Variants in MYO9A observed in about 807,000 individuals in gnomAD.
The protein encoded by MYO9A is unconventional myosin-IXa.
A neutral mutation model predicts 293.3 loss-of-function variants in MYO9A; 103 were observed. The observed-to-expected ratio is 0.35, with a 90% CI of 0.30 to 0.41. The LOEUF (loss-of-function observed/expected upper bound fraction) is 0.41. Ranked by LOEUF, MYO9A falls within the 10% of genes least tolerant of loss-of-function variation. MYO9A has a pLI of 1.00. For missense variants in MYO9A, 2,685 were observed against 3,033.0 expected (o/e 0.89, Z 2.69); for synonymous variants, 1,001 against 1,035.7 (o/e 0.97, Z 0.64).
intron 1 of MYO9A, among the ~76,000 whole-genome samples, chr15:72,109,940 C>T (rs1053188232): frequency 6.7e-6 from 1 of 150,050 alleles, no homozygotes. Context: ...ATCTAAAAAT[C>T]GTTTATAAAC....
At chr15:72,101,437 G>A (rs866013358) in intron 1 of MYO9A, among the ~76,000 whole-genome samples, 48 of 135,074 alleles carry the variant, frequency 3.6e-4, no homozygotes, top group African/African-American at 1.2e-3. Context: ...CCCTCTGCCA[G>A]GCCAGCCGCC....
rs778310319 is a variant in MYO9A, at chr15:71,935,382, T to C, written c.2481A>G (p.Ser827=). The change falls in exon 17 of 42, where the codon TCA becomes TCG. Residue 827 remains serine (S), a synonymous_variant. Transcript: ENST00000356056. ...LLDKDGIFAN[S]TSSKLLERAH... ...CTCTCTCCAGGAGTTTGCTGCTAGT[T>C]GAATTAGCAAATATTCCATCTTTAT... The C allele has an allele frequency of 1.2e-6, 2 of 1,613,674 alleles. No homozygotes were observed. Among genetic ancestry groups the C allele is most frequent in the Non-Finnish European group, 1.7e-6 (2 of 1,179,690 alleles).
chr15:71,996,294 T>A (rs2148552599), intron 9 of MYO9A, among the ~76,000 whole-genome samples: 1 of 152,284 alleles, frequency 6.6e-6, no homozygotes. Context: ...AATTTTTTAG[T>A]TAAAAGACCT....
At chr15:71,970,971 A>G (rs1005734308) in intron 12 of MYO9A, among the ~76,000 whole-genome samples, 9 of 151,866 alleles carry the variant, frequency 5.9e-5, no homozygotes, top group African/African-American at 1.9e-4. Flanking sequence ...ATCCTGGCTA[A>G]CACAGTGAAA....
intron 31 of MYO9A, among the ~76,000 whole-genome samples, chr15:71,876,913 C>T (rs1014406060): frequency 1.3e-5 from 2 of 152,078 alleles, no homozygotes; most frequent in Non-Finnish European, 2.9e-5. Context: ...TAAAAACAAA[C>T]GTAGTAGAAG....
Position 72,003,620 on chromosome 15 carries a change from C to T in MYO9A, c.1381-3680G>A, listed in dbSNP as rs190561124. Among the ~76,000 whole-genome samples, 516 of 149,906 alleles carry T rather than the reference C, an allele frequency of 3.4e-3. 4 individuals carry two copies. The highest frequency in any genetic ancestry group is 5.3e-3 in the Non-Finnish European group (361 of 67,746). Reference sequence around the variant, plus strand: ...TCGGGAAGCTGAGGCAGGAGAATGGCGTGAACCCAGGAAGCGGAGCTTGCA... The same window carrying T: ...TCGGGAAGCTGAGGCAGGAGAATGGTGTGAACCCAGGAAGCGGAGCTTGCA... On this transcript the variant is annotated intron_variant, in intron 8 of 41. Coordinates refer to ENST00000356056, the MANE Select transcript of MYO9A (RefSeq NM_006901.4).
intron 21 of MYO9A, 45 bp from the exon 22 acceptor site, chr15:71,903,108 T>C (rs775371665): frequency 2.8e-5 from 42 of 1,490,760 alleles, no homozygotes; most frequent in Admixed American, 3.8e-5. Flanking sequence ...AAACAGTGTA[T>C]GTAAACAAGA....
At position 71,958,058 on chromosome 15, in the gene MYO9A, C is replaced by G. The variant is rs551473426; in HGVS notation, c.2182+1843G>C. On this transcript the variant is annotated intron_variant, in intron 14 of 41. Coordinates refer to ENST00000356056, the MANE Select transcript of MYO9A (RefSeq NM_006901.4). ...CTGAAGTTTTTAATTAAGATATCATCAAAGGAAATAAAAACATACTGTAAT... is the reference window on the plus strand; with the variant it reads ...CTGAAGTTTTTAATTAAGATATCATGAAAGGAAATAAAAACATACTGTAAT... 3.3e-5 allele frequency among the ~76,000 whole-genome samples: 5 copies of G among 152,228 alleles called. No homozygotes were observed. The East Asian group carries it at 9.6e-4, about 29-fold the overall frequency.
At chr15:71,983,935 C>T (rs2076344842) in intron 11 of MYO9A, among the ~76,000 whole-genome samples, 1 of 152,174 alleles carries the variant, frequency 6.6e-6, no homozygotes, top group African/African-American at 2.4e-5. Context: ...AAACAATATA[C>T]CTTGGTTTTA....
chr15:71,912,407 C>T (rs1441088874), intron 19 of MYO9A, among the ~76,000 whole-genome samples: 3 of 152,216 alleles, frequency 2.0e-5, no homozygotes, highest in East Asian at 1.9e-4. Flanking sequence ...AGGCGCCCAT[C>T]GCCATGCCTG....
intron 27 of MYO9A, among the ~76,000 whole-genome samples, chr15:71,884,656 G>A (rs779485738): frequency 1.3e-5 from 2 of 152,018 alleles, no homozygotes; most frequent in African/African-American, 2.4e-5. Flanking sequence ...AGTACCTTGC[G>A]ATAACAATGG....
chr15:71,899,541 G>T, intron 24 of MYO9A, 146 bp downstream of exon 24: 1 of 665,820 alleles, frequency 1.5e-6, no homozygotes, highest in Non-Finnish European at 2.5e-6. Context: ...AATACAATGT[G>T]GGTTAAAATC....
At chr15:72,022,634 A>C (rs2077536429) in intron 4 of MYO9A, among the ~76,000 whole-genome samples, 1 of 151,990 alleles carries the variant, frequency 6.6e-6, no homozygotes. Context: ...TGCAGCCTTG[A>C]CCTCCTAGGC....
At chr15:71,912,258 G>GTT (rs34858713) in intron 19 of MYO9A, among the ~76,000 whole-genome samples, 123 of 145,696 alleles carry the variant, frequency 8.4e-4, no homozygotes, top group South Asian at 2.9e-3. Context: ...AAAGAGAAAA[G>GTT]TTTTTTTTTT....
chr15:71,938,872 A>G lies in MYO9A; in HGVS notation c.2358T>C (p.Ala786=). 1 of 1,610,112 alleles carries G rather than the reference A, an allele frequency of 6.2e-7. No individual in the cohort carries two copies. Among genetic ancestry groups the G allele is most frequent in the Non-Finnish European group, 8.5e-7 (1 of 1,178,308 alleles). The change falls in exon 16 of 42, where the codon GCT becomes GCC. Residue 786 remains alanine, a synonymous_variant. Coordinates refer to ENST00000356056, the MANE Select transcript of MYO9A (RefSeq NM_006901.4). ...TPLSDLQGMN[A]LNEKNQHDTF... Reference sequence around the variant, plus strand: ...CTTACTGTTGGTTTTTTTCATTTAGAGCATTCATGCCCTGGAGATCAGAAA... The same window carrying G: ...CTTACTGTTGGTTTTTTTCATTTAGGGCATTCATGCCCTGGAGATCAGAAA...
rs28879707 is a variant in MYO9A at position 72,082,997 on chromosome 15, T to G, written c.-72+34683A>C. Among the ~76,000 whole-genome samples the G allele has an allele frequency of 5.6e-3, 844 of 151,918 alleles. 11 individuals are homozygous for G. Among genetic ancestry groups the G allele is most frequent in the African/African-American group, 0.019 (799 of 41,388 alleles). On this transcript the variant is annotated intron_variant, in intron 1 of 41. Transcript: ENST00000356056. ...GGCCTGCAATTTTTTTTGTTGTGTC[T>G]CTGCTAGGTTTTGATATCAGGATGA...
intron 28 of MYO9A, among the ~76,000 whole-genome samples, chr15:71,883,010 C>A (rs1364744946): frequency 2.0e-5 from 3 of 152,086 alleles, no homozygotes; most frequent in East Asian, 3.9e-4. Flanking sequence ...TCACTATGTG[C>A]CCAGGCTGGT....
intron 12 of MYO9A, among the ~76,000 whole-genome samples, chr15:71,969,746 A>G (rs2075964532): frequency 6.6e-6 from 1 of 152,212 alleles, no homozygotes; most frequent in South Asian, 2.1e-4. Context: ...CATTACTTGA[A>G]ACTAAAAAAG....
intron 1 of MYO9A, among the ~76,000 whole-genome samples, chr15:72,087,238 G>A (rs2079767214): frequency 6.6e-6 from 1 of 152,212 alleles, no homozygotes; most frequent in Non-Finnish European, 1.5e-5. Context: ...TGATGGGCAA[G>A]ACTGCCCTGC....
Sources: allele counts gnomAD v4.1 joint callset (sites outside exome capture counted in the v4.1 genomes callset), GRCh38; gene constraint gnomAD v4.1.1; transcripts MANE v1.5; gene names NCBI Gene and HGNC (gene_info 2026-07-23, HGNC 2026-07-21).